Variants in FBXL13 observed in about 807,000 individuals in gnomAD.
FBXL13 encodes F-box and leucine-rich repeat protein 13.
Under a neutral mutation model 83.6 loss-of-function variants are expected in FBXL13, and 67 were observed. The observed-to-expected ratio is 0.80, with a 90% CI of 0.66 to 0.98. The LOEUF is 0.98. Among genes scored for constraint, FBXL13 ranks in the 50% least tolerant of loss-of-function variants. The pLI is 0.00. For missense variants in FBXL13, 822 were observed against 866.5 expected (o/e 0.95, Z 0.64); for synonymous variants, 272 against 299.5 (o/e 0.91, Z 0.95).
At chr7:102,832,972 T>A in exon 18 of FBXL13, 1 of 1,614,002 alleles carries the variant, frequency 6.2e-7, no homozygotes, top group South Asian at 1.1e-5. Flanking sequence ...TTTTGCAGAA[T>A]GCCTGCAAAA....
At chr7:102,858,358 G>A (rs896450648) in intron 16 of FBXL13, among the ~76,000 whole-genome samples, 3 of 152,120 alleles carry the variant, frequency 2.0e-5, no homozygotes, top group East Asian at 1.9e-4. Context: ...ATGAGTTCAG[G>A]TATTCTGCAG....
At chr7:102,911,910 C>A (rs1297206463) in intron 11 of FBXL13, among the ~76,000 whole-genome samples, 2 of 152,042 alleles carry the variant, frequency 1.3e-5, no homozygotes, top group Admixed American at 1.3e-4. Flanking sequence ...AACTTAGAAT[C>A]CTCCCCTCCT....
At chr7:102,878,485 C>T (rs186188955) in intron 14 of FBXL13, 35 bp from the exon 16 acceptor site, 2 of 1,466,524 alleles carry the variant, frequency 1.4e-6, no homozygotes, top group Non-Finnish European at 1.9e-6. Context: ...ACATGTGATT[C>T]TATATATAAA....
intron 2 of FBXL13, among the ~76,000 whole-genome samples, chr7:103,034,058 T>C (rs1472772477): frequency 6.6e-6 from 1 of 152,186 alleles, no homozygotes; most frequent in East Asian, 1.9e-4. Flanking sequence ...CACAGGGTGC[T>C]GATTGGTGTG....
rs367777541 is a variant in FBXL13 at position 102,879,410 on chromosome 7, T to C, written c.1389-960A>G. ...AACCTTCCACCTATAAGAGGGGGAG[T>C]GTGCCAGCACCTAGGAAAGCAGTTA... On this transcript the variant is annotated intron_variant, in intron 14 of 19. Transcript: ENST00000313221. Among the ~76,000 whole-genome samples, 10 of 150,164 alleles carry C rather than the reference T, an allele frequency of 6.7e-5. No individual in the cohort carries two copies. The East Asian group carries it at 1.6e-3, about 23-fold the overall frequency.
At chr7:102,826,565 A>G (rs772139510) in intron 18 of FBXL13, among the ~76,000 whole-genome samples, 5 of 150,802 alleles carry the variant, frequency 3.3e-5, no homozygotes, top group South Asian at 2.1e-4. Flanking sequence ...GTGAAACCCC[A>G]TATCTACAAA....
intron 6 of FBXL13, among the ~76,000 whole-genome samples, chr7:103,006,319 A>G (rs933933289): frequency 1.3e-5 from 2 of 152,230 alleles, no homozygotes. Context: ...CTGTGTATGC[A>G]CAGAGTGAGA....
At chr7:102,985,357 C>T (rs528714666) in intron 6 of FBXL13, among the ~76,000 whole-genome samples, 1 of 152,286 alleles carries the variant, frequency 6.6e-6, no homozygotes, top group South Asian at 2.1e-4. Context: ...TGGCTATGCT[C>T]CTGAGTGAGC....
At chr7:102,977,292 C>T (rs891859909) in intron 6 of FBXL13, among the ~76,000 whole-genome samples, 10 of 152,152 alleles carry the variant, frequency 6.6e-5, no homozygotes, top group African/African-American at 1.7e-4. Flanking sequence ...GCTCGCACAA[C>T]GACAAAAACA....
intron 11 of FBXL13, among the ~76,000 whole-genome samples, chr7:102,898,533 C>T (rs561672046): frequency 6.0e-4 from 92 of 152,184 alleles, no homozygotes; most frequent in African/African-American, 2.1e-3. Flanking sequence ...GGTCTCAATC[C>T]TCCCACCTCA....
chr7:102,944,370 C>G, intron 8 of FBXL13: 1 of 1,614,080 alleles, frequency 6.2e-7, no homozygotes, highest in Non-Finnish European at 8.5e-7. Context: ...ACCTCTACTA[C>G]TGGTTAAAGC....
rs150824251 is a variant in FBXL13, at chr7:102,903,577, G to A, written c.1008+9509C>T. 5.4e-3 allele frequency among the ~76,000 whole-genome samples: 825 copies of A among 152,184 alleles called. 9 individuals carry two copies. The highest frequency in any genetic ancestry group is 0.018 in the African/African-American group (766 of 41,550). The stretch of plus-strand genomic sequence containing the variant: ...TGTCATACATTGTTTTTATTATGTT[G>A]AGGTATGTTTCTTCTATCCCTAGTT... On this transcript the variant is annotated intron_variant, in intron 11 of 19. Transcript: ENST00000313221.
intron 2 of FBXL13, among the ~76,000 whole-genome samples, chr7:103,036,119 TATGAGA>T (rs904956524): frequency 6.6e-6 from 1 of 152,148 alleles, no homozygotes; most frequent in African/African-American, 2.4e-5. Flanking sequence ...GTGCATTCCT[TATGAGA>T]ATCTAACTAA....
At chr7:102,819,107 T>C (rs1798436225) in intron 19 of FBXL13, among the ~76,000 whole-genome samples, 1 of 152,162 alleles carries the variant, frequency 6.6e-6, no homozygotes, top group Non-Finnish European at 1.5e-5. Flanking sequence ...TTAGTGATTC[T>C]TCAGGTTCTC....
chr7:102,999,585 C>T (rs1790178012), intron 6 of FBXL13, among the ~76,000 whole-genome samples: 1 of 152,182 alleles, frequency 6.6e-6, no homozygotes, highest in South Asian at 2.1e-4. Flanking sequence ...CTGCTTTAAT[C>T]TCATTACTTG....
At chr7:103,060,064 A>ATATATATATATATATATAT (rs71110809) in intron 1 of FBXL13, among the ~76,000 whole-genome samples, 3 of 81,922 alleles carry the variant, frequency 3.7e-5, no homozygotes, top group Non-Finnish European at 5.1e-5. Flanking sequence ...ATATATATAT[A>ATATATATATATATATATAT]CTTTTTTTTT....
At chr7:102,829,584 C>T (rs540202061) in intron 18 of FBXL13, among the ~76,000 whole-genome samples, 4 of 152,302 alleles carry the variant, frequency 2.6e-5, no homozygotes, top group East Asian at 1.9e-4. Context: ...GGGCCTAGTG[C>T]ACTGCTGAGT....
intron 14 of FBXL13, among the ~76,000 whole-genome samples, chr7:102,881,099 A>G (rs1021176148): frequency 6.6e-6 from 1 of 152,156 alleles, no homozygotes. Flanking sequence ...TTTTTGGCAG[A>G]GCCCTTTGAA....
At chr7:102,811,354 A>G (rs1277397135), downstream of FBXL13, among the ~76,000 whole-genome samples, 1 of 152,232 alleles carries the variant, frequency 6.6e-6, no homozygotes, top group Non-Finnish European at 1.5e-5. Context: ...CCTAACTAAT[A>G]TCTTTGATAT....
Sources: gnomAD v4.1 joint callset for allele counts (sites outside exome capture counted in the v4.1 genomes callset) on GRCh38, gnomAD v4.1.1 for gene constraint, MANE v1.5 for transcripts, NCBI Gene and HGNC (gene_info 2026-07-23, HGNC 2026-07-21) for gene names.